The following TMC1 variants were observed in gnomAD, a reference collection of about 807,000 sequenced individuals.
TMC1 encodes the protein transmembrane channel like 1, also known as transmembrane channel-like protein 1.
TMC1 carries 84 observed loss-of-function variants against 105.8 expected under a neutral mutation model. That is an observed-to-expected ratio of 0.79 (90% confidence interval 0.67 to 0.95). The LOEUF (loss-of-function observed/expected upper bound fraction) is 0.95. TMC1 is among the 40% of genes least tolerant of loss of function. The pLI is 0.00. For synonymous variants in TMC1, 315 were observed against 311.5 expected (o/e 1.01, Z -0.12); for missense variants, 817 against 914.1 (o/e 0.89, Z 1.37).
intron 5 of TMC1, among the ~76,000 whole-genome samples, chr9:72,653,552 G>T (rs1825844307): frequency 6.6e-6 from 1 of 152,094 alleles, no homozygotes; most frequent in African/African-American, 2.4e-5. Flanking sequence ...TATTCCTTTG[G>T]CTGATAAAAT....
rs187658636 is a variant in TMC1, at chr9:72,764,828, C to T, written c.742-7585C>T. ...TACAAAGACAACTAACATATATTCCCTGCCCACAGGGACATTATGATCTAA... is the reference window on the plus strand; with the variant it reads ...TACAAAGACAACTAACATATATTCCTTGCCCACAGGGACATTATGATCTAA... On this transcript the variant is annotated intron_variant, in intron 12 of 23. Coordinates refer to ENST00000297784, the MANE Select transcript of TMC1 (RefSeq NM_138691.3). 5.9e-5 allele frequency among the ~76,000 whole-genome samples: 9 copies of T among 152,246 alleles called. No individual in the cohort carries two copies. In the East Asian group the frequency reaches 1.7e-3, roughly 29 times the overall value.
chr9:72,604,512 G>A (rs979199628), intron 2 of TMC1, among the ~76,000 whole-genome samples: 1 of 152,090 alleles, frequency 6.6e-6, no homozygotes, highest in African/African-American at 2.4e-5. Flanking sequence ...AAGTTTCTGG[G>A]CTCTGGTATT....
chr9:72,607,101 C>T (rs973669721), intron 2 of TMC1, among the ~76,000 whole-genome samples: 6 of 151,470 alleles, frequency 4.0e-5, no homozygotes, highest in African/African-American at 1.5e-4. Context: ...TTTTATCATC[C>T]AGAACATGGT....
At chr9:72,680,286 A>G (rs1355268023) in intron 5 of TMC1, among the ~76,000 whole-genome samples, 1 of 152,152 alleles carries the variant, frequency 6.6e-6, no homozygotes, top group East Asian at 1.9e-4. Context: ...ATTACATGCC[A>G]TATACAAATT....
At chr9:72,573,822 A>C (rs1315828893) in intron 1 of TMC1, among the ~76,000 whole-genome samples, 1 of 152,110 alleles carries the variant, frequency 6.6e-6, no homozygotes, top group Non-Finnish European at 1.5e-5. Flanking sequence ...TAGGGGGTAC[A>C]TGTGAAAATT....
chr9:72,524,316 C>T (rs1225447792), intron 1 of TMC1, among the ~76,000 whole-genome samples: 1 of 152,138 alleles, frequency 6.6e-6, no homozygotes. Context: ...TAAATATTGT[C>T]ATCAATTTAT....
Position 72,562,896 on chromosome 9 carries a change from T to C in TMC1, c.-427-15006T>C, listed in dbSNP as rs188784956. 5.3e-5 allele frequency among the ~76,000 whole-genome samples: 8 copies of C among 152,058 alleles called. No homozygotes were observed. The East Asian group carries it at 1.4e-3, about 26-fold the overall frequency. On this transcript the variant is annotated intron_variant, in intron 1 of 23. Transcript: ENST00000297784. The stretch of plus-strand genomic sequence containing the variant: ...ACTTGGGAGGCTGAGGCAGGAGAAT[T>C]GCTTGAACTCAGGTGGTGGAGGTTG...
intron 1 of TMC1, among the ~76,000 whole-genome samples, chr9:72,562,432 CTA>C (rs1362141534): frequency 3.9e-5 from 6 of 152,126 alleles, no homozygotes; most frequent in Non-Finnish European, 8.8e-5. Context: ...CACCTTTGTG[CTA>C]TGTTATATTG....
At chr9:72,781,679 A>G (rs370727001) in intron 13 of TMC1, among the ~76,000 whole-genome samples, 1 of 152,236 alleles carries the variant, frequency 6.6e-6, no homozygotes, top group Non-Finnish European at 1.5e-5. Context: ...GATTATTACA[A>G]ACACCTCTAT....
chr9:72,597,323 T>C (rs560402772), intron 2 of TMC1, among the ~76,000 whole-genome samples: 2 of 152,322 alleles, frequency 1.3e-5, no homozygotes, highest in South Asian at 2.1e-4. Flanking sequence ...GCACAGGGAC[T>C]GCGCTCCTCA....
At chr9:72,793,312 C>G (rs1347754767) in intron 17 of TMC1, among the ~76,000 whole-genome samples, 1 of 152,160 alleles carries the variant, frequency 6.6e-6, no homozygotes, top group East Asian at 1.9e-4. Flanking sequence ...AGAATGAAAC[C>G]CACTGGCTTG....
intron 2 of TMC1, among the ~76,000 whole-genome samples, chr9:72,592,537 C>T (rs898245183): frequency 3.9e-5 from 6 of 152,170 alleles, no homozygotes; most frequent in African/African-American, 1.4e-4. Flanking sequence ...AGAATTTACC[C>T]CCTACTTCTC....
intron 4 of TMC1, among the ~76,000 whole-genome samples, chr9:72,634,661 G>C (rs970697850): frequency 3.2e-4 from 49 of 152,338 alleles, no homozygotes; most frequent in Middle Eastern, 3.4e-3. Flanking sequence ...GGCCCCACTT[G>C]AAATGAGAAT....
chr9:72,754,720 G>A, intron 11 of TMC1, 66 bp from the exon 12 acceptor site: 2 of 1,270,958 alleles, frequency 1.6e-6, no homozygotes, highest in Non-Finnish European at 2.3e-6. Flanking sequence ...AAAACCATTT[G>A]TGATCACATG....
At chr9:72,610,459 G>T (rs1825005353) in intron 2 of TMC1, among the ~76,000 whole-genome samples, 1 of 152,104 alleles carries the variant, frequency 6.6e-6, no homozygotes, top group South Asian at 2.1e-4. Flanking sequence ...GTGAAAACCT[G>T]CAGGCTCTAG....
chr9:72,604,113 A>C (rs1824870497), intron 2 of TMC1, among the ~76,000 whole-genome samples: 1 of 152,096 alleles, frequency 6.6e-6, no homozygotes, highest in Non-Finnish European at 1.5e-5. Flanking sequence ...CTCAGATTGT[A>C]ATGAGAGAAC....
chr9:72,714,672 A>G (rs931345457), intron 8 of TMC1, among the ~76,000 whole-genome samples: 5 of 152,104 alleles, frequency 3.3e-5, no homozygotes, highest in African/African-American at 1.2e-4. Flanking sequence ...TGCACGTCAG[A>G]TGGGTCTCCT....
chr9:72,638,632 A>G (rs1331476468), intron 4 of TMC1, among the ~76,000 whole-genome samples: 1 of 152,226 alleles, frequency 6.6e-6, no homozygotes, highest in African/African-American at 2.4e-5. Flanking sequence ...AGGACCTGCC[A>G]TATGTGTCTT....
At chr9:72,793,551 C>T (rs1828312525) in intron 17 of TMC1, among the ~76,000 whole-genome samples, 1 of 152,204 alleles carries the variant, frequency 6.6e-6, no homozygotes, top group South Asian at 2.1e-4. Context: ...CCCTTTCCTC[C>T]TCACTGGGTA....
Sources: allele counts gnomAD v4.1 joint callset (sites outside exome capture counted in the v4.1 genomes callset), GRCh38; gene constraint gnomAD v4.1.1; transcripts MANE v1.5; gene names NCBI Gene and HGNC (gene_info 2026-07-23, HGNC 2026-07-21).